The following GGA3 variants were observed in gnomAD, a reference collection of about 807,000 sequenced individuals.
The protein encoded by GGA3 is ADP-ribosylation factor-binding protein GGA3.
GGA3 carries 57 observed loss-of-function variants against 77.5 expected under a neutral mutation model. The ratio of observed to expected loss-of-function variants is 0.74; its 90% CI spans 0.59 to 0.92. The LOEUF is 0.92. Among genes scored for constraint, GGA3 ranks in the 40% least tolerant of loss-of-function variants. The pLI is 0.00. For missense variants in GGA3, 970 were observed against 914.9 expected (o/e 1.06, Z -0.78); for synonymous variants, 416 against 383.7 (o/e 1.08, Z -0.98).
intron 1 of GGA3, among the ~76,000 whole-genome samples, chr17:75,252,113 T>A (rs1341020301): frequency 6.6e-6 from 1 of 151,784 alleles, no homozygotes; most frequent in Admixed American, 6.6e-5. Flanking sequence ...GGGGTCTCAC[T>A]CTGTCACCCA....
At chr17:75,238,607 CAGCTGGGGCCTCA>C (rs754654583) in intron 16 of GGA3, 32 bp downstream of exon 16, 1 of 1,362,152 alleles carries the variant, frequency 7.3e-7, no homozygotes, top group Admixed American at 1.8e-5. Flanking sequence ...TAATCTGGGG[CAGCTGGGGCCTCA>C]GGCTGGGACC....
At chr17:75,259,931 CTT>C (rs2077291526) in intron 1 of GGA3, among the ~76,000 whole-genome samples, 1 of 152,152 alleles carries the variant, frequency 6.6e-6, no homozygotes, top group African/African-American at 2.4e-5. Context: ...GGGAGGATCA[CTT>C]GAACTCGAGT....
intron 1 of GGA3, 44 bp from the exon 2 acceptor site, chr17:75,246,840 T>C (rs765148397): frequency 3.3e-6 from 5 of 1,510,040 alleles, no homozygotes; most frequent in Non-Finnish European, 4.6e-6. Flanking sequence ...GGAAGAGCAA[T>C]GAGGATGCAA....
rs763780174 is a variant in GGA3, at chr17:75,239,098, C to T, written c.1781-15G>A. ...AAGGGCACTGCCTGTAAGAACGTGA[C>T]GTGAGTGTGGGAGGAGCAGCACCAG... On this transcript the variant is annotated splice_polypyrimidine_tract_variant and intron_variant, in intron 14 of 16. Coordinates refer to ENST00000537686, the MANE Select transcript of GGA3 (RefSeq NM_138619.4). The T allele has an allele frequency of 2.5e-5, 41 of 1,609,118 alleles. No individual in the cohort carries two copies. In the South Asian group the frequency reaches 3.1e-4, roughly 12 times the overall value.
At chr17:75,243,409 G>A (rs771324304) in intron 5 of GGA3, 38 bp downstream of exon 5, 5 of 1,612,324 alleles carry the variant, frequency 3.1e-6, no homozygotes, top group Admixed American at 1.7e-5. Context: ...GCCAGCCTTC[G>A]AGGGCTGCCT....
At chr17:75,262,009 G>T (rs771350492), upstream of GGA3, 7 of 1,601,048 alleles carry the variant, frequency 4.4e-6, no homozygotes, top group Middle Eastern at 1.7e-4. Context: ...GCAGCGGCGG[G>T]GGGGCGCTGC....
At chr17:75,249,827 T>C (rs191760070) in intron 1 of GGA3, among the ~76,000 whole-genome samples, 107 of 152,306 alleles carry the variant, frequency 7.0e-4, no homozygotes, top group Middle Eastern at 3.4e-3. Context: ...GTATTCACCA[T>C]ACGTTATCTT....
In GGA3 at chr17:75,241,398, AC is replaced by A. The variant is rs1327025070; in HGVS notation, c.946+1del. On this transcript the variant is annotated splice_donor_variant, in intron 10 of 16. Transcript: ENST00000537686. LOFTEE classifies it high-confidence loss of function. ...CTAGAGTTGGGGACCAGAGCATCTC[AC>A]CTTCCGAGTCAGGCAGGGTTAAGGT... The A allele has an allele frequency of 1.9e-6, 3 of 1,583,830 alleles. No homozygotes were observed. The highest frequency in any genetic ancestry group is 2.6e-6 in the Non-Finnish European group (3 of 1,153,234).
intron 3 of GGA3, among the ~76,000 whole-genome samples, chr17:75,245,976 A>G (rs1488792662): frequency 6.6e-6 from 1 of 152,152 alleles, no homozygotes; most frequent in Non-Finnish European, 1.5e-5. Flanking sequence ...TTGTTTTCGG[A>G]GCATGTGGAG....
chr17:75,252,184 C>T (rs1433857291), intron 1 of GGA3, among the ~76,000 whole-genome samples: 1 of 151,660 alleles, frequency 6.6e-6, no homozygotes, highest in African/African-American at 2.4e-5. Context: ...CTCAAGTGAT[C>T]CTCCCACCTC....
intron 3 of GGA3, 120 bp from the exon 4 acceptor site, chr17:75,244,837 T>C (rs2076700552): frequency 4.2e-6 from 3 of 708,746 alleles, no homozygotes; most frequent in East Asian, 5.0e-5. Flanking sequence ...AAGGAGCTCA[T>C]CACGAAAAGC....
At chr17:75,261,862 C>A, upstream of GGA3, 1 of 1,592,520 alleles carries the variant, frequency 6.3e-7, no homozygotes. Context: ...CTCAGGCGCG[C>A]CGAGGGCAGT....
rs1474076675 is a variant in GGA3, at chr17:75,239,458, C to T, written c.1697G>A (p.Ser566Asn). ...CGGGGGGCTGCCCTGGGACTGGAAA[C>T]TCAGTGGCTGGAAGAGCGGGCTGCC... The part of the protein sequence containing the change: ...GPGSPLFQPL[S>N]FQSQGSPPKG... Residue 566 changes from serine to asparagine, a missense_variant, in exon 14 of 17, where the codon AGT (serine) becomes AAT (asparagine). By Grantham distance (46) the Ser-to-Asn change is conservative. Coordinates refer to ENST00000537686, the MANE Select transcript of GGA3 (RefSeq NM_138619.4). 3 of 1,581,386 alleles carry T rather than the reference C, an allele frequency of 1.9e-6. No individual in the cohort carries two copies. The South Asian group carries it at 3.5e-5, about 18-fold the overall frequency.
At chr17:75,246,852 G>A (rs917814233) in intron 1 of GGA3, 56 bp from the exon 2 acceptor site, 30 of 1,435,554 alleles carry the variant, frequency 2.1e-5, no homozygotes, top group African/African-American at 2.8e-5. Context: ...AGGATGCAAT[G>A]GAAGGTTTTC....
At chr17:75,248,801 C>CAAAAAAAAAA (rs1367261105) in intron 1 of GGA3, 1 of 761,066 alleles carries the variant, frequency 1.3e-6, no homozygotes. Context: ...AAAACAAAAA[C>CAAAAAAAAAA]AAAAACAAAA....
chr17:75,239,663 C>T, intron 13 of GGA3, 92 bp from the exon 14 acceptor site: 1 of 1,447,532 alleles, frequency 6.9e-7, no homozygotes, highest in Non-Finnish European at 9.6e-7. Flanking sequence ...CTTACCCAGG[C>T]CCACCCCTTG....
Position 75,238,678 on chromosome 17 carries a change from C to A in GGA3, c.2035G>T (p.Val679Phe). The change falls in exon 16 of 17, where the codon GTC becomes TTC. Residue 679 changes from valine (V) to phenylalanine (F), a missense_variant. Transcript: ENST00000537686. ...TTCAGTGGATTGGCCAGCAACATGA[C>A]CTGGGTGATGGCTGCAGGTGGCTGG... is the stretch of plus-strand genomic sequence containing the variant. ...PIQPPAAITQ[V>F]MLLANPLKEK... 3.7e-6 allele frequency: 6 copies of A among 1,613,726 alleles called. No individual in the cohort carries two copies. Among genetic ancestry groups the A allele is most frequent in the Non-Finnish European group, 5.1e-6 (6 of 1,179,678 alleles).
chr17:75,240,157 T>C (rs533672176), intron 12 of GGA3, 49 bp from the exon 13 acceptor site: 1 of 1,209,748 alleles, frequency 8.3e-7, no homozygotes, highest in Admixed American at 2.0e-5. Flanking sequence ...GGGGAGGGCC[T>C]GCCGCTGGAA....
At chr17:75,244,118 C>T (rs1242322567) in intron 4 of GGA3, among the ~76,000 whole-genome samples, 1 of 152,118 alleles carries the variant, frequency 6.6e-6, no homozygotes, top group Admixed American at 6.5e-5. Context: ...CACAAGTTGC[C>T]AGAAACACAA....
Sources: gnomAD v4.1 joint callset for allele counts (sites outside exome capture counted in the v4.1 genomes callset) on GRCh38, gnomAD v4.1.1 for gene constraint, MANE v1.5 for transcripts, NCBI Gene and HGNC (gene_info 2026-07-23, HGNC 2026-07-21) for gene names.